The following NR6A1 variants were observed in gnomAD, a reference collection of about 807,000 sequenced individuals.
The protein encoded by NR6A1 is retinoic acid receptor-related testis-associated receptor.
In NR6A1, 7 loss-of-function variants were observed where a neutral mutation model predicts 59.1. The observed-to-expected ratio is 0.12, with a 90% confidence interval of 0.07 to 0.22. NR6A1 has a LOEUF of 0.22. Ranked by LOEUF, NR6A1 falls within the 10% of genes least tolerant of loss-of-function variation. NR6A1 has a pLI of 1.00. For synonymous variants in NR6A1, 243 were observed against 236.1 expected, an observed-to-expected ratio of 1.03 and a Z score of -0.27; for missense variants, 468 against 611.6, an observed-to-expected ratio of 0.77 and a Z score of 2.48.
chr9:124,521,194 G>C lies in NR6A1; in HGVS notation c.*1511C>G, dbSNP rs1832794855. On this transcript the variant is annotated 3_prime_UTR_variant, in exon 10 of 10. Transcript: ENST00000487099. ...CTGGGTGTAGGCAGGACAAGCACCT[G>C]AAAGAGTTCAAAGACAGACCTGGTG... 1 of 152,348 alleles carries C rather than the reference G, an allele frequency of 6.6e-6. No homozygotes were observed. Among genetic ancestry groups the C allele is most frequent in the Non-Finnish European group, 1.5e-5 (1 of 68,130 alleles). 9.4% of individuals were successfully genotyped at this position (152,348 alleles called of 1,614,324 possible).
intron 2 of NR6A1, among the ~76,000 whole-genome samples, chr9:124,678,943 C>T (rs1334787799): frequency 2.6e-5 from 4 of 152,152 alleles, no homozygotes; most frequent in East Asian, 1.9e-4. Context: ...CAGCTGGCCC[C>T]GGTGGTTCGT....
chr9:124,593,696 G>A (rs1175244099), intron 2 of NR6A1, among the ~76,000 whole-genome samples: 1 of 152,054 alleles, frequency 6.6e-6, no homozygotes, highest in Non-Finnish European at 1.5e-5. Context: ...GAATTCATTC[G>A]GTGTCATTGT....
At chr9:124,726,166 G>T (rs1265057368) in intron 2 of NR6A1, among the ~76,000 whole-genome samples, 3 of 151,978 alleles carry the variant, frequency 2.0e-5, no homozygotes, top group African/African-American at 7.3e-5. Flanking sequence ...TTTTAGTTGG[G>T]GTCATGTCAA....
At chr9:124,559,485 G>A (rs1407222225) in intron 2 of NR6A1, among the ~76,000 whole-genome samples, 1 of 152,042 alleles carries the variant, frequency 6.6e-6, no homozygotes, top group Non-Finnish European at 1.5e-5. Context: ...GATAATAATG[G>A]AGTTTTCAGG....
At chr9:124,668,548 T>A (rs1160330041) in intron 2 of NR6A1, among the ~76,000 whole-genome samples, 1 of 152,318 alleles carries the variant, frequency 6.6e-6, no homozygotes, top group Non-Finnish European at 1.5e-5. Flanking sequence ...GGAAAATTTG[T>A]CACCTATAAT....
chr9:124,643,661 A>T (rs1836837234), intron 2 of NR6A1, among the ~76,000 whole-genome samples: 1 of 148,976 alleles, frequency 6.7e-6, no homozygotes, highest in Admixed American at 6.7e-5. Flanking sequence ...GCTACTTAGG[A>T]GGCTGACATG....
At chr9:124,751,968 CAATACA>C (rs1297532146) in intron 1 of NR6A1, among the ~76,000 whole-genome samples, 1 of 152,126 alleles carries the variant, frequency 6.6e-6, no homozygotes, top group Non-Finnish European at 1.5e-5. Context: ...GCTATTGTCA[CAATACA>C]AAATTAAATA....
intron 1 of NR6A1, among the ~76,000 whole-genome samples, chr9:124,767,345 T>A (rs1021162544): frequency 1.5e-4 from 23 of 152,216 alleles, no homozygotes; most frequent in African/African-American, 5.5e-4. Context: ...TGTCATCATA[T>A]TTTGGTTACA....
At chr9:124,739,167 A>C (rs987014973) in intron 1 of NR6A1, among the ~76,000 whole-genome samples, 5 of 150,904 alleles carry the variant, frequency 3.3e-5, no homozygotes, top group African/African-American at 1.2e-4. Flanking sequence ...CAGCCTGGAC[A>C]ACAGAGCGAG....
intron 2 of NR6A1, among the ~76,000 whole-genome samples, chr9:124,662,068 TA>T (rs564061217): frequency 0.014 from 1,959 of 138,686 alleles, 35 homozygotes; most frequent in African/African-American, 0.041. Flanking sequence ...GAAATACCTT[TA>T]AAAAAAAAAA....
At chr9:124,545,872 T>A (rs1321702669) in intron 3 of NR6A1, among the ~76,000 whole-genome samples, 1 of 152,164 alleles carries the variant, frequency 6.6e-6, no homozygotes, top group African/African-American at 2.4e-5. Context: ...TCCCAGCACT[T>A]TGGAAGGCTG....
At chr9:124,753,170 ACT>A (rs1266169710) in intron 1 of NR6A1, among the ~76,000 whole-genome samples, 1 of 152,058 alleles carries the variant, frequency 6.6e-6, no homozygotes, top group African/African-American at 2.4e-5. Flanking sequence ...TACCTTTTCC[ACT>A]CTCTTTCAAT....
chr9:124,632,505 C>T (rs1394039140), intron 2 of NR6A1, among the ~76,000 whole-genome samples: 2 of 152,074 alleles, frequency 1.3e-5, no homozygotes, highest in Non-Finnish European at 2.9e-5. Flanking sequence ...CACTTTTTAA[C>T]GGGGTTGTTT....
In NR6A1 at chr9:124,601,442, G is replaced by A. The variant is rs533778686; in HGVS notation, c.143-46872C>T. ...TACTAAAAATACAAAAGATTAGCCGGGCGTCATGGCGGGCGCCTGTAGTCC... is the reference window on the plus strand; with the variant it reads ...TACTAAAAATACAAAAGATTAGCCGAGCGTCATGGCGGGCGCCTGTAGTCC... On this transcript the variant is annotated intron_variant, in intron 2 of 9. Coordinates refer to ENST00000487099, the MANE Select transcript of NR6A1 (RefSeq NM_033334.4). 2.2e-4 allele frequency among the ~76,000 whole-genome samples: 34 copies of A among 151,568 alleles called. No homozygotes were observed. The East Asian group carries it at 5.7e-3, about 25-fold the overall frequency.
intron 2 of NR6A1, among the ~76,000 whole-genome samples, chr9:124,644,998 C>T (rs368769638): frequency 1.3e-5 from 2 of 152,162 alleles, no homozygotes; most frequent in African/African-American, 4.8e-5. Flanking sequence ...ACACATTTGC[C>T]AAAACACATT....
chr9:124,707,515 GTT>G (rs199653224), intron 2 of NR6A1, among the ~76,000 whole-genome samples: 129 of 141,046 alleles, frequency 9.1e-4, no homozygotes, highest in Non-Finnish European at 1.5e-3. Flanking sequence ...AGTTTCTACT[GTT>G]TTTTTTTTTT....
chr9:124,600,866 GGAA>G (rs1183985822), intron 2 of NR6A1, among the ~76,000 whole-genome samples: 1 of 151,458 alleles, frequency 6.6e-6, no homozygotes, highest in African/African-American at 2.4e-5. Context: ...AAGACCTGAA[GGAA>G]GAAGGAGAAG....
chr9:124,532,926 T>C (rs966887280), intron 7 of NR6A1, among the ~76,000 whole-genome samples: 58 of 152,224 alleles, frequency 3.8e-4, no homozygotes, highest in African/African-American at 1.4e-3. Context: ...TCCTCCTTGA[T>C]GAGAAAAATT....
intron 2 of NR6A1, among the ~76,000 whole-genome samples, chr9:124,679,902 GAA>G (rs58462266): frequency 1.3e-5 from 1 of 77,062 alleles, no homozygotes; most frequent in Non-Finnish European, 2.9e-5. Context: ...ATCTCAAAGA[GAA>G]AAAAAAAAAA....
Sources: gnomAD v4.1 joint callset for allele counts (sites outside exome capture counted in the v4.1 genomes callset) on GRCh38, gnomAD v4.1.1 for gene constraint, MANE v1.5 for transcripts, NCBI Gene and HGNC (gene_info 2026-07-23, HGNC 2026-07-21) for gene names.